CDK5RAP2: variants seen among roughly 807,000 people sequenced by gnomAD.
CDK5RAP2 encodes the protein CDK5 regulatory subunit-associated protein 2.
A neutral mutation model predicts 232.9 loss-of-function variants in CDK5RAP2; 147 were observed. The observed-to-expected ratio is 0.63, with a 90% CI of 0.55 to 0.72. The LOEUF (loss-of-function observed/expected upper bound fraction) is 0.72. CDK5RAP2 is among the 30% of genes least tolerant of loss of function. CDK5RAP2 has a pLI of 0.00. For missense variants in CDK5RAP2, 2,195 were observed against 2,231.5 expected, an observed-to-expected ratio of 0.98 and a Z score of 0.33; for synonymous variants, 833 against 833.7, an observed-to-expected ratio of 1.00 and a Z score of 0.01.
Position 120,536,382 on chromosome 9 carries a change from C to A in CDK5RAP2, c.652G>T (p.Glu218Ter). ...GDLAMALVLDEKDRLIEELKL... is the reference protein window; with the variant it reads ...GDLAMALVLD ...GGACAAGAGCCAGACCTGTCTTTCT[C>A]ATCCAGGACCAGAGCCATCGCCAAG... Residue 218 changes from glutamate (E) to a stop codon, truncating the protein, a stop_gained, in exon 7 of 38, where the codon GAG (glutamate) becomes TAG (stop). Transcript: ENST00000349780. LOFTEE classifies it high-confidence loss of function. 6.2e-7 allele frequency: 1 copy of A among 1,614,154 alleles called. No homozygotes were observed. Among genetic ancestry groups the A allele is most frequent in the Non-Finnish European group, 8.5e-7 (1 of 1,180,010 alleles).
chr9:120,523,543 G>A (rs79916742), intron 11 of CDK5RAP2, among the ~76,000 whole-genome samples: 274 of 152,286 alleles, frequency 1.8e-3, no homozygotes, highest in African/African-American at 6.0e-3. Context: ...TGTTCCTAGC[G>A]TACCATGATT....
chr9:120,416,171 T>C (rs1291352018), intron 27 of CDK5RAP2, among the ~76,000 whole-genome samples: 1 of 152,136 alleles, frequency 6.6e-6, no homozygotes, highest in Non-Finnish European at 1.5e-5. Context: ...TCTAATTCAG[T>C]TGGACCTGAA....
intron 4 of CDK5RAP2, among the ~76,000 whole-genome samples, chr9:120,550,302 A>G (rs770001110): frequency 6.6e-6 from 1 of 152,218 alleles, no homozygotes; most frequent in Non-Finnish European, 1.5e-5. Context: ...AAGCCTCAAG[A>G]AGACGGTAAT....
chr9:120,507,236 T>A (rs1376629387), intron 12 of CDK5RAP2, among the ~76,000 whole-genome samples: 1 of 150,016 alleles, frequency 6.7e-6, no homozygotes, highest in Non-Finnish European at 1.5e-5. Flanking sequence ...AGTATAGTGT[T>A]AACATAACTT....
chr9:120,490,843 T>G (rs915843423), intron 13 of CDK5RAP2, among the ~76,000 whole-genome samples: 5 of 152,202 alleles, frequency 3.3e-5, no homozygotes, highest in African/African-American at 1.2e-4. Flanking sequence ...CAGAGTTAAA[T>G]GCCTATGTTT....
At chr9:120,541,046 G>A (rs976878105) in intron 5 of CDK5RAP2, among the ~76,000 whole-genome samples, 1 of 152,214 alleles carries the variant, frequency 6.6e-6, no homozygotes, top group African/African-American at 2.4e-5. Context: ...CACTCCTTGA[G>A]GAGCATTATA....
At chr9:120,524,209 T>A (rs2040799258) in intron 11 of CDK5RAP2, among the ~76,000 whole-genome samples, 1 of 152,246 alleles carries the variant, frequency 6.6e-6, no homozygotes, top group East Asian at 1.9e-4. Context: ...TGGGGAGCAC[T>A]TAGCAGGCCT....
intron 10 of CDK5RAP2, among the ~76,000 whole-genome samples, 198 bp from the exon 11 acceptor site, chr9:120,525,276 C>T (rs2040849424): frequency 6.6e-6 from 1 of 152,164 alleles, no homozygotes; most frequent in African/African-American, 2.4e-5. Context: ...TTTGAGACTC[C>T]ATTTCCTCAA....
chr9:120,433,014 T>C (rs963837954), intron 25 of CDK5RAP2, among the ~76,000 whole-genome samples: 2 of 152,214 alleles, frequency 1.3e-5, no homozygotes, highest in Admixed American at 1.3e-4. Context: ...GGTACTCCTA[T>C]ATACCCTGGT....
chr9:120,521,087 T>C (rs1193096461), intron 11 of CDK5RAP2, among the ~76,000 whole-genome samples: 1 of 152,162 alleles, frequency 6.6e-6, no homozygotes, highest in Non-Finnish European at 1.5e-5. Context: ...CTCCATTATC[T>C]TTCATTCCCA....
chr9:120,454,029 T>C (rs2036619878), intron 20 of CDK5RAP2, among the ~76,000 whole-genome samples, 156 bp from the exon 21 acceptor site: 1 of 152,178 alleles, frequency 6.6e-6, no homozygotes, highest in South Asian at 2.1e-4. Flanking sequence ...CCACATCCAG[T>C]ATTTTATCCT....
chr9:120,545,704 T>C lies in CDK5RAP2; in HGVS notation c.383+10A>G, dbSNP rs373217848. ...CGACTTGCAAGCTTTCAACGGATGA[T>C]GGTACTCACGAGGCTTTGATGAGCA... On this transcript the variant is annotated intron_variant, in intron 5 of 37. Coordinates refer to ENST00000349780, the MANE Select transcript of CDK5RAP2 (RefSeq NM_018249.6). 6.2e-7 allele frequency: 1 copy of C among 1,608,798 alleles called. No individual in the cohort carries two copies. The highest frequency in any genetic ancestry group is 1.7e-5 in the Admixed American group (1 of 60,020).
rs147435272 is a variant in CDK5RAP2 at position 120,536,445 on chromosome 9, T to C, written c.589A>G (p.Ser197Gly). 25 of 1,614,094 alleles carry C rather than the reference T, an allele frequency of 1.5e-5. No individual in the cohort carries two copies. Among genetic ancestry groups the C allele is most frequent in the Non-Finnish European group, 2.1e-5 (25 of 1,180,028 alleles). The change falls in exon 7 of 38, where the codon AGC (serine) becomes GGC (glycine). Residue 197 changes from serine (S) to glycine (G), a missense_variant. By Grantham distance (56) the Ser-to-Gly change is moderately conservative. Transcript: ENST00000349780. ...ATCTTCTTCATCTCTGAAAGCTTGC[T>C]TTCCAAACGCAACCGAAGAGCCTTC... Reference protein sequence around the residue: ...TEKALRLRLESKLSEMKKMHE... With the variant: ...TEKALRLRLEGKLSEMKKMHE...
In CDK5RAP2 at chr9:120,419,933, T is replaced by C. The variant is rs776678385; in HGVS notation, c.4032A>G (p.Gln1344=). The stretch of plus-strand genomic sequence containing the variant: ...GCTCAGGAGATTCAGGCAGAAGATG[T>C]TGGTAGGTTAAGTTGTCTTCCTCAA... The part of the protein sequence containing the change: ...ERIEEDNLTY[Q]HLLPESPEPS... Residue 1344 remains glutamine, a synonymous_variant, in exon 27 of 38, where the codon CAA becomes CAG. Transcript: ENST00000349780. 1.2e-5 allele frequency: 19 copies of C among 1,614,012 alleles called. No individual in the cohort carries two copies. The highest frequency in any genetic ancestry group is 4.5e-5 in the East Asian group (2 of 44,878).
chr9:120,403,832 A>G lies in CDK5RAP2; in HGVS notation c.5041+204T>C, dbSNP rs988548506. Among the ~76,000 whole-genome samples, 1 of 152,180 alleles carries G rather than the reference A, an allele frequency of 6.6e-6. No homozygotes were observed. Among genetic ancestry groups the G allele is most frequent in the African/African-American group, 2.4e-5 (1 of 41,430 alleles). On this transcript the variant is annotated intron_variant, in intron 33 of 37. Coordinates refer to ENST00000349780, the MANE Select transcript of CDK5RAP2 (RefSeq NM_018249.6). The surrounding 1 kb of genome is among the most constrained non-coding windows in gnomAD (Gnocchi z 4.2). ...AATCTAAGGCAAGAGGGACCCAATGATGTTCTAACCTTGGTAACACCTAGG... is the reference window on the plus strand; with the variant it reads ...AATCTAAGGCAAGAGGGACCCAATGGTGTTCTAACCTTGGTAACACCTAGG...
chr9:120,514,816 A>G (rs1422016958), intron 12 of CDK5RAP2, among the ~76,000 whole-genome samples: 1 of 152,186 alleles, frequency 6.6e-6, no homozygotes, highest in African/African-American at 2.4e-5. Flanking sequence ...CTCCATATGA[A>G]GACGTATACA....
intron 11 of CDK5RAP2, 135 bp from the exon 12 acceptor site, chr9:120,518,780 A>G: frequency 1.4e-6 from 1 of 694,128 alleles, no homozygotes; most frequent in South Asian, 1.7e-5. Context: ...TTCAGAAACC[A>G]AAGCAAAAAT....
At chr9:120,515,906 T>G (rs1214491780) in intron 12 of CDK5RAP2, among the ~76,000 whole-genome samples, 1 of 152,176 alleles carries the variant, frequency 6.6e-6, no homozygotes, top group Non-Finnish European at 1.5e-5. Context: ...TAGGAACACT[T>G]TTACACTGTT....
chr9:120,420,129 CAAGAAA>C (rs2034479363), intron 26 of CDK5RAP2, among the ~76,000 whole-genome samples, 169 bp from the exon 27 acceptor site: 1 of 152,180 alleles, frequency 6.6e-6, no homozygotes, highest in Non-Finnish European at 1.5e-5. Flanking sequence ...ATTCTAAAAG[CAAGAAA>C]GGCTCAGTGC....
Sources: allele counts gnomAD v4.1 joint callset (sites outside exome capture counted in the v4.1 genomes callset), GRCh38; gene constraint gnomAD v4.1.1; non-coding constraint Gnocchi (gnomAD v3.1); transcripts MANE v1.5; gene names NCBI Gene and HGNC (gene_info 2026-07-23, HGNC 2026-07-21).